SDHC: variants seen among roughly 807,000 people sequenced by gnomAD.
SDHC encodes the protein succinate dehydrogenase complex subunit C, also known as succinate dehydrogenase cytochrome b560 subunit, mitochondrial.
A neutral mutation model predicts 22.6 loss-of-function variants in SDHC; 11 were observed. The observed-to-expected ratio is 0.49, with a 90% CI of 0.31 to 0.81. The LOEUF (loss-of-function observed/expected upper bound fraction) is 0.81. SDHC is among the 30% of genes least tolerant of loss of function. The probability of loss-of-function intolerance (pLI) is 0.05; values close to 1 mark genes in which losing one functional copy is unlikely to be tolerated. For missense variants in SDHC, 160 were observed against 212.0 expected (o/e 0.75, Z 1.52); for synonymous variants, 80 against 77.8 (o/e 1.03, Z -0.15).
chr1:161,329,840 A>T (rs1328900104), intron 3 of SDHC, among the ~76,000 whole-genome samples: 1 of 152,122 alleles, frequency 6.6e-6, no homozygotes, highest in Non-Finnish European at 1.5e-5. Flanking sequence ...TCCTTGGGTT[A>T]TGGCATTCTT....
At chr1:161,340,288 C>A (rs934888030) in intron 3 of SDHC, among the ~76,000 whole-genome samples, 2 of 146,834 alleles carry the variant, frequency 1.4e-5, no homozygotes, top group African/African-American at 5.2e-5. Context: ...GACCCTGTTC[C>A]GGGGGGGTAA....
chr1:161,357,912 T>C (rs1423847760), intron 5 of SDHC, among the ~76,000 whole-genome samples: 1 of 152,082 alleles, frequency 6.6e-6, no homozygotes, highest in Non-Finnish European at 1.5e-5. Flanking sequence ...TCAAATAGAT[T>C]ACCTTTTCTT....
chr1:161,328,307 TTGCAAAATATTGACTTAATAAAACGTTA>T (rs1490311144), intron 2 of SDHC, 61 bp from the exon 3 acceptor site: 2 of 1,090,920 alleles, frequency 1.8e-6, no homozygotes, highest in Admixed American at 3.4e-5. Context: ...TGGCTTGGTA[TTGCAAAATATTGACTTAATAAAACGTTA>T]TGCAAAATAT....
At chr1:161,350,118 C>T (rs1672051614) in intron 4 of SDHC, among the ~76,000 whole-genome samples, 1 of 152,142 alleles carries the variant, frequency 6.6e-6, no homozygotes, top group Admixed American at 6.5e-5. Context: ...CCATGTTGGC[C>T]AGGCTAGTCT....
intron 3 of SDHC, among the ~76,000 whole-genome samples, chr1:161,338,429 T>C (rs1160245223): frequency 6.6e-6 from 1 of 152,220 alleles, no homozygotes; most frequent in Admixed American, 6.5e-5. Context: ...TTGTCTAAGC[T>C]AACATTCCAA....
At chr1:161,326,529 TTTC>T (rs1181279067) in intron 2 of SDHC, 1 of 142,752 alleles carries the variant, frequency 7.0e-6, no homozygotes, top group African/African-American at 2.7e-5. Context: ...AGTTTCTTTT[TTTC>T]TTCTCTCTTT....
At chr1:161,360,930 T>C (rs2102381058) in intron 5 of SDHC, among the ~76,000 whole-genome samples, 1 of 152,182 alleles carries the variant, frequency 6.6e-6, no homozygotes, top group African/African-American at 2.4e-5. Flanking sequence ...CTGGCCAACA[T>C]GGTGAAACCC....
chr1:161,327,480 C>T (rs2102305132), intron 2 of SDHC, among the ~76,000 whole-genome samples: 1 of 152,288 alleles, frequency 6.6e-6, no homozygotes, highest in Middle Eastern at 3.4e-3. Flanking sequence ...AAGCTGCTTC[C>T]TTAGCTGTAA....
chr1:161,357,444 G>A (rs1216719308), intron 5 of SDHC, among the ~76,000 whole-genome samples: 1 of 152,112 alleles, frequency 6.6e-6, no homozygotes, highest in Non-Finnish European at 1.5e-5. Flanking sequence ...TGTCTCCCAG[G>A]CTGGGGTGCA....
intron 3 of SDHC, among the ~76,000 whole-genome samples, chr1:161,330,052 C>G (rs1671218982): frequency 6.6e-6 from 1 of 152,114 alleles, no homozygotes. Context: ...ATAATATATT[C>G]ACAGGTTCTG....
chr1:161,349,892 ACC>A (rs1217789086), intron 4 of SDHC, among the ~76,000 whole-genome samples: 1 of 152,042 alleles, frequency 6.6e-6, no homozygotes, highest in Non-Finnish European at 1.5e-5. Context: ...TTTGGATAAT[ACC>A]TTTTTTTTCT....
At chr1:161,332,255 GTA>G (rs1171935157) in intron 3 of SDHC, among the ~76,000 whole-genome samples, 1 of 152,142 alleles carries the variant, frequency 6.6e-6, no homozygotes, top group Non-Finnish European at 1.5e-5. Flanking sequence ...GGTTACAGCT[GTA>G]AGCCACCGTG....
At chr1:161,334,409 T>C (rs552778311) in intron 3 of SDHC, among the ~76,000 whole-genome samples, 2 of 152,234 alleles carry the variant, frequency 1.3e-5, no homozygotes, top group South Asian at 2.1e-4. Context: ...GGATAGTCTA[T>C]GTTGTTTTGT....
chr1:161,354,736 G>A (rs540635837), intron 4 of SDHC, among the ~76,000 whole-genome samples: 8 of 139,552 alleles, frequency 5.7e-5, no homozygotes, highest in East Asian at 2.3e-4. Flanking sequence ...GGAGCCTCAC[G>A]CCTCACTCTG....
chr1:161,324,351 C>G (rs1343994308), intron 2 of SDHC, among the ~76,000 whole-genome samples: 1 of 152,196 alleles, frequency 6.6e-6, no homozygotes, highest in East Asian at 1.9e-4. Flanking sequence ...CTCAAGTGAT[C>G]CCCCTGCCTC....
At chr1:161,321,679 G>A (rs766396462) in intron 1 of SDHC, among the ~76,000 whole-genome samples, 7 of 152,194 alleles carry the variant, frequency 4.6e-5, no homozygotes, top group Admixed American at 1.3e-4. Context: ...GGAAGTGTTC[G>A]TTAGATTTTT....
intron 1 of SDHC, among the ~76,000 whole-genome samples, chr1:161,321,222 T>C (rs556805241): frequency 6.6e-6 from 1 of 152,278 alleles, no homozygotes; most frequent in East Asian, 1.9e-4. Flanking sequence ...ATGATTACAT[T>C]TTGGGGAGAC....
At chr1:161,328,165 G>A (rs1671133446) in intron 2 of SDHC, among the ~76,000 whole-genome samples, 1 of 151,836 alleles carries the variant, frequency 6.6e-6, no homozygotes, top group Admixed American at 6.6e-5. Flanking sequence ...CACCACATCT[G>A]GCTAATTTGT....
chr1:161,336,389 A>G (rs531392998), intron 3 of SDHC, among the ~76,000 whole-genome samples: 1 of 151,990 alleles, frequency 6.6e-6, no homozygotes, highest in South Asian at 2.1e-4. Context: ...CGGGAGGCGG[A>G]GGTTGCAGTG....
Sources: allele counts gnomAD v4.1 joint callset (sites outside exome capture counted in the v4.1 genomes callset), GRCh38; gene constraint gnomAD v4.1.1; transcripts MANE v1.5; gene names NCBI Gene and HGNC (gene_info 2026-07-23, HGNC 2026-07-21).